OCA2: variants seen among roughly 807,000 people sequenced by gnomAD.
OCA2 encodes the protein OCA2 melanosomal transmembrane protein.
A neutral mutation model predicts 100.2 loss-of-function variants in OCA2; 77 were observed. The ratio of observed to expected loss-of-function variants is 0.77; its 90% confidence interval spans 0.64 to 0.93. The LOEUF is 0.93. OCA2 is among the 40% of genes least tolerant of loss of function. OCA2 has a pLI of 0.00. For missense variants in OCA2, 1,062 were observed against 1,089.1 expected, an observed-to-expected ratio of 0.98 and a Z score of 0.35; for synonymous variants, 432 against 439.2, an observed-to-expected ratio of 0.98 and a Z score of 0.21.
intron 17 of OCA2, among the ~76,000 whole-genome samples, chr15:27,953,874 C>T (rs965186190): frequency 6.6e-6 from 1 of 151,932 alleles, no homozygotes; most frequent in African/African-American, 2.4e-5. Flanking sequence ...ACAGTGTACA[C>T]AGTACCCAAT....
At position 28,037,905 on chromosome 15, in the gene OCA2, A is replaced by G. The variant is rs533165765; in HGVS notation, c.228-5742T>C. On this transcript the variant is annotated intron_variant, in intron 2 of 23. Coordinates refer to ENST00000354638, the MANE Select transcript of OCA2 (RefSeq NM_000275.3). The stretch of plus-strand genomic sequence containing the variant: ...TGTACAGATGTACTCTGCATGGAGC[A>G]GCAGTCATGGGGAGCCACAGCAAGC... 3.3e-5 allele frequency among the ~76,000 whole-genome samples: 5 copies of G among 152,324 alleles called. No homozygotes were observed. The South Asian group carries it at 1.0e-3, about 32-fold the overall frequency.
chr15:27,846,360 C>T (rs2035536622), intron 22 of OCA2, among the ~76,000 whole-genome samples: 1 of 152,076 alleles, frequency 6.6e-6, no homozygotes, highest in Admixed American at 6.6e-5. Flanking sequence ...CTCAGCAGGC[C>T]CTGCCCTGCT....
chr15:27,727,041 T>C, the OCA2 span, among the ~76,000 whole-genome samples: 2 of 152,220 alleles, frequency 1.3e-5, no homozygotes, highest in Admixed American at 6.5e-5. Context: ...AGTTATGTTG[T>C]GGCAAATCAT....
chr15:28,012,274 T>C (rs1230403538), intron 9 of OCA2, among the ~76,000 whole-genome samples: 1 of 152,196 alleles, frequency 6.6e-6, no homozygotes, highest in African/African-American at 2.4e-5. Context: ...CACCCTGTCA[T>C]AGGCAGGGGC....
intron 17 of OCA2, 78 bp from the exon 18 acceptor site, chr15:27,951,970 G>A (rs771386201): frequency 1.2e-5 from 12 of 963,272 alleles, no homozygotes; most frequent in Non-Finnish European, 1.8e-5. Context: ...TACGCAACTG[G>A]AATCACGACA....
chr15:27,741,857 G>A, the OCA2 span, among the ~76,000 whole-genome samples: 3 of 152,168 alleles, frequency 2.0e-5, no homozygotes, highest in African/African-American at 7.2e-5. Flanking sequence ...CATACAAATT[G>A]TTTTAGATAG....
chr15:27,900,722 G>T (rs970225872), intron 19 of OCA2, among the ~76,000 whole-genome samples: 1 of 152,188 alleles, frequency 6.6e-6, no homozygotes, highest in Non-Finnish European at 1.5e-5. Context: ...TTCTCAGAGG[G>T]AACTAGGTTG....
intron 21 of OCA2, among the ~76,000 whole-genome samples, chr15:27,864,093 C>T (rs909506604): frequency 2.0e-5 from 3 of 152,162 alleles, no homozygotes; most frequent in African/African-American, 2.4e-5. Flanking sequence ...GCTCCCCAAC[C>T]ACCCAGAGGG....
intron 19 of OCA2, among the ~76,000 whole-genome samples, chr15:27,924,004 G>T (rs1218445779): frequency 1.3e-5 from 2 of 152,146 alleles, no homozygotes; most frequent in Admixed American, 6.5e-5. Context: ...TTACGTTTAA[G>T]TCTTTAATCC....
chr15:28,095,469 CA>C (rs746445204), intron 1 of OCA2, among the ~76,000 whole-genome samples: 5 of 152,186 alleles, frequency 3.3e-5, no homozygotes, highest in African/African-American at 4.8e-5. Context: ...GTAATCCCAG[CA>C]ATTTGAAAGA....
At chr15:28,061,068 A>G (rs369443915) in intron 2 of OCA2, among the ~76,000 whole-genome samples, 1 of 152,222 alleles carries the variant, frequency 6.6e-6, no homozygotes, top group East Asian at 1.9e-4. Flanking sequence ...CAAAAGAAAA[A>G]GCAGTTTGTA....
At chr15:28,089,725 C>T (rs1595936081) in intron 1 of OCA2, among the ~76,000 whole-genome samples, 2 of 152,104 alleles carry the variant, frequency 1.3e-5, no homozygotes, top group Admixed American at 1.3e-4. Flanking sequence ...AAATTTACTT[C>T]TAAAATAACA....
intron 23 of OCA2, among the ~76,000 whole-genome samples, chr15:27,756,594 C>T (rs1271422248): frequency 6.6e-6 from 1 of 151,840 alleles, no homozygotes; most frequent in Non-Finnish European, 1.5e-5. Context: ...AAATGTCAGC[C>T]CTGATCATTG....
chr15:27,724,157 T>C, the OCA2 span, among the ~76,000 whole-genome samples: 44 of 152,318 alleles, frequency 2.9e-4, no homozygotes, highest in Admixed American at 2.0e-3. Context: ...AATGTGCAGG[T>C]GTCTGTCTGC....
chr15:28,023,373 A>G (rs2042653045), intron 5 of OCA2, among the ~76,000 whole-genome samples: 1 of 152,112 alleles, frequency 6.6e-6, no homozygotes, highest in African/African-American at 2.4e-5. Flanking sequence ...GCTCAATGCA[A>G]TCAGCACTGA....
At chr15:27,963,644 A>G (rs1415924487) in intron 15 of OCA2, among the ~76,000 whole-genome samples, 1 of 152,160 alleles carries the variant, frequency 6.6e-6, no homozygotes, top group African/African-American at 2.4e-5. Context: ...TTAGAGCACT[A>G]AAGGCCTATA....
intron 23 of OCA2, among the ~76,000 whole-genome samples, chr15:27,795,149 A>G (rs781516911): frequency 1.3e-4 from 20 of 152,268 alleles, no homozygotes; most frequent in Middle Eastern, 3.4e-3. Context: ...ACTGGTGCCC[A>G]GGAAAACCTT....
chr15:27,819,997 G>C lies in OCA2; in HGVS notation c.2432+24962C>G, dbSNP rs188227013. ...AAAGAAAAACAAGCACGATGTTAGC[G>C]GCACACATCAATGGGACACAGGCAC... On this transcript the variant is annotated intron_variant, in intron 23 of 23. Coordinates refer to ENST00000354638, the MANE Select transcript of OCA2 (RefSeq NM_000275.3). 4.6e-5 allele frequency among the ~76,000 whole-genome samples: 7 copies of C among 152,232 alleles called. No individual in the cohort carries two copies. The East Asian group carries it at 1.4e-3, about 29-fold the overall frequency.
intron 23 of OCA2, among the ~76,000 whole-genome samples, chr15:27,803,122 A>G (rs1379013610): frequency 1.3e-5 from 2 of 152,264 alleles, no homozygotes; most frequent in Non-Finnish European, 2.9e-5. Flanking sequence ...CAAAGGAGAA[A>G]TACAAATGAA....
Sources: allele counts gnomAD v4.1 joint callset (sites outside exome capture counted in the v4.1 genomes callset), GRCh38; gene constraint gnomAD v4.1.1; transcripts MANE v1.5; gene names NCBI Gene and HGNC (gene_info 2026-07-23, HGNC 2026-07-21).